SYNE2: variants seen among roughly 807,000 people sequenced by gnomAD.
SYNE2 encodes nesprin-2.
Under a neutral mutation model 856.3 loss-of-function variants are expected in SYNE2, and 431 were observed. The observed-to-expected ratio is 0.50, with a 90% CI of 0.47 to 0.55. The LOEUF (loss-of-function observed/expected upper bound fraction) is 0.55. Ranked by LOEUF, SYNE2 falls within the 20% of genes least tolerant of loss-of-function variation. The pLI, the probability that SYNE2 is intolerant of heterozygous loss-of-function variation, is 0.00. For missense variants in SYNE2, 8,129 were observed against 8,023.2 expected (o/e 1.01, Z -0.50); for synonymous variants, 2,923 against 2,872.3 (o/e 1.02, Z -0.56).
chr14:63,856,058 A>G (rs1488482149), intron 1 of SYNE2, among the ~76,000 whole-genome samples: 1 of 152,152 alleles, frequency 6.6e-6, no homozygotes, highest in East Asian at 1.9e-4. Flanking sequence ...TCCGGCCGAG[A>G]GATAGGATGC....
chr14:63,907,805 CT>C (rs1468711343), intron 1 of SYNE2, among the ~76,000 whole-genome samples: 1 of 152,070 alleles, frequency 6.6e-6, no homozygotes, highest in Non-Finnish European at 1.5e-5. Flanking sequence ...TCATGGTGAA[CT>C]AATAAACAGC....
intron 45 of SYNE2, among the ~76,000 whole-genome samples, chr14:64,037,692 T>C (rs1486814489): frequency 6.0e-5 from 1 of 16,734 alleles, no homozygotes; most frequent in South Asian, 1.7e-3. Context: ...GGCCCCTCAC[T>C]TCCCAGTAGG....
At chr14:64,139,701 C>T (rs780555810) in intron 79 of SYNE2, among the ~76,000 whole-genome samples, 2 of 152,124 alleles carry the variant, frequency 1.3e-5, no homozygotes, top group Non-Finnish European at 2.9e-5. Flanking sequence ...GCATGAGCCA[C>T]CACATCTGGC....
chr14:63,978,099 G>A lies in SYNE2; in HGVS notation c.1406+82G>A, dbSNP rs925039365. ...GATACTACAGGGACCACAAAATACA[G>A]ATTTTTAGATAATTTTTACCAAGTA... is the stretch of plus-strand genomic sequence containing the variant. On this transcript the variant is annotated intron_variant, in intron 13 of 115. Transcript: ENST00000555002. The A allele has an allele frequency of 5.0e-5, 45 of 906,870 alleles. No individual in the cohort carries two copies. The African/African-American group carries it at 5.6e-4, about 11-fold the overall frequency. The allele number at this position is 906,870 out of a possible 1,614,324, so 56.2% of individuals were successfully genotyped here. A position where few individuals can be genotyped will look rare whatever the true frequency, so the allele number is the denominator to read the frequency against.
chr14:64,012,235 C>T (rs983805358), intron 32 of SYNE2, among the ~76,000 whole-genome samples: 1 of 152,184 alleles, frequency 6.6e-6, no homozygotes, highest in African/African-American at 2.4e-5. Context: ...CCTCCTAGAC[C>T]AAGGTTTCAG....
At chr14:63,776,544 A>G (rs945057697) in intron 1 of SYNE2, among the ~76,000 whole-genome samples, 1 of 152,042 alleles carries the variant, frequency 6.6e-6, no homozygotes, top group Non-Finnish European at 1.5e-5. Context: ...CCTGCTGTCA[A>G]GTGGGCAGAG....
At chr14:64,036,433 GCAC>G (rs1450003345) in intron 45 of SYNE2, among the ~76,000 whole-genome samples, 1 of 152,006 alleles carries the variant, frequency 6.6e-6, no homozygotes, top group South Asian at 2.1e-4. Flanking sequence ...TCACAGGTGT[GCAC>G]CACCACACCG....
chr14:64,190,967 G>T, intron 99 of SYNE2: 1 of 702,306 alleles, frequency 1.4e-6, no homozygotes, highest in Non-Finnish European at 2.6e-6. Flanking sequence ...ACAGCGAACC[G>T]TCACTTGGCC....
At chr14:64,127,602 G>A (rs2097961083) in intron 73 of SYNE2, among the ~76,000 whole-genome samples, 1 of 152,148 alleles carries the variant, frequency 6.6e-6, no homozygotes, top group South Asian at 2.1e-4. Context: ...GCTAAGGAAT[G>A]ACAATCCGTG....
chr14:63,933,446 C>G (rs2095791242), intron 2 of SYNE2, among the ~76,000 whole-genome samples: 1 of 152,148 alleles, frequency 6.6e-6, no homozygotes, highest in African/African-American at 2.4e-5. Context: ...ATATGAGTTG[C>G]CCGCTCACAA....
chr14:64,004,324 G>A (rs1367988316), intron 30 of SYNE2, among the ~76,000 whole-genome samples: 3 of 151,270 alleles, frequency 2.0e-5, no homozygotes, highest in Non-Finnish European at 4.4e-5. Context: ...GTGAGCCACC[G>A]TTGTTTTTTT....
rs750459245 is a variant in SYNE2, at chr14:64,132,332, CT to C, written c.14411del (p.Leu4804TyrfsTer13). 6.2e-7 allele frequency: 1 copy of C among 1,614,152 alleles called. No individual in the cohort carries two copies. Among genetic ancestry groups the C allele is most frequent in the East Asian group, 2.2e-5 (1 of 44,888 alleles). On this transcript the variant is annotated frameshift_variant, in exon 77 of 116. Transcript: ENST00000555002. LOFTEE classifies it high-confidence loss of function. ...IQAYSAKILP[S>X]LLQNRETFWA... ...GCATACTCTGCCAAAATACTTCCTT[CT>C]TTATTGCAAAACAGAGAGACATTTT...
At chr14:63,838,445 T>TTTA (rs1181675091) in intron 1 of SYNE2, among the ~76,000 whole-genome samples, 6 of 152,152 alleles carry the variant, frequency 3.9e-5, no homozygotes, top group Admixed American at 1.3e-4. Context: ...TCATTAATAT[T>TTTA]TTATTTAGAA....
At chr14:63,973,270 G>C (rs893909722) in intron 11 of SYNE2, among the ~76,000 whole-genome samples, 1 of 151,928 alleles carries the variant, frequency 6.6e-6, no homozygotes, top group Admixed American at 6.6e-5. Context: ...AAAAATTTAC[G>C]ATAAAGAAAT....
At chr14:64,031,418 C>A in intron 45 of SYNE2, 61 bp downstream of exon 45, 1 of 1,468,688 alleles carries the variant, frequency 6.8e-7, no homozygotes, top group Non-Finnish European at 9.5e-7. Context: ...GTATTTGGCT[C>A]TGAAAAGAGG....
In SYNE2 at chr14:64,141,346, T is replaced by C; in HGVS notation, c.14982T>C (p.Phe4994=). The C allele has an allele frequency of 6.2e-7, 1 of 1,612,972 alleles. No homozygotes were observed. ...IRSNINNFFE[F]SKEVDEKSSL... The stretch of plus-strand genomic sequence containing the variant: ...ATTTTAAAACTCTCCTTTAGGAGTT[T>C]TCAAAAGAAGTTGATGAAAAATCCT... Residue 4994 remains phenylalanine, a synonymous_variant, in exon 81 of 116, where the codon TTT becomes TTC. Transcript: ENST00000555002.
chr14:64,129,749 G>A (rs766472055), intron 74 of SYNE2, 33 bp from the exon 75 acceptor site: 5 of 1,613,462 alleles, frequency 3.1e-6, no homozygotes, highest in Non-Finnish European at 3.4e-6. Context: ...ACTTACTGAA[G>A]GGTTTTCTTT....
intron 1 of SYNE2, among the ~76,000 whole-genome samples, chr14:63,868,873 C>T (rs1258205726): frequency 6.6e-6 from 1 of 152,154 alleles, no homozygotes; most frequent in Non-Finnish European, 1.5e-5. Context: ...ATAAAGGGGA[C>T]ACCATTAAGG....
intron 1 of SYNE2, among the ~76,000 whole-genome samples, chr14:63,806,452 G>T (rs541276886): frequency 6.6e-6 from 1 of 152,118 alleles, no homozygotes; most frequent in East Asian, 1.9e-4. Context: ...CTGTGTCTCT[G>T]CCAAGTTTTG....
Sources: gnomAD v4.1 joint callset for allele counts (sites outside exome capture counted in the v4.1 genomes callset) on GRCh38, gnomAD v4.1.1 for gene constraint, MANE v1.5 for transcripts, NCBI Gene and HGNC (gene_info 2026-07-23, HGNC 2026-07-21) for gene names.